The following EFNB1 variants were observed in gnomAD, a reference collection of about 807,000 sequenced individuals.
EFNB1 encodes the protein ephrin B1.
Under a neutral mutation model 18.1 loss-of-function variants are expected in EFNB1, and 1 was observed. The ratio of observed to expected loss-of-function variants is 0.06; its 90% CI spans 0.02 to 0.26. The LOEUF (loss-of-function observed/expected upper bound fraction) is 0.26, where lower values mean the gene tolerates loss of function less well. Ranked by LOEUF, EFNB1 falls within the 10% of genes least tolerant of loss-of-function variation. EFNB1 has a pLI of 1.00. For missense variants in EFNB1, 221 were observed against 301.8 expected, an observed-to-expected ratio of 0.73 and a Z score of 1.98; for synonymous variants, 131 against 127.5, an observed-to-expected ratio of 1.03 and a Z score of -0.19.
chrX:68,837,014 T>C (rs1176306706), intron 1 of EFNB1, among the ~76,000 whole-genome samples: 1 of 111,736 alleles, frequency 8.9e-6, no homozygotes, highest in Non-Finnish European at 1.9e-5. Flanking sequence ...TCATCCTGCC[T>C]TTCCTGTGGA....
At chrX:68,837,502 T>G (rs1257645238) in intron 1 of EFNB1, among the ~76,000 whole-genome samples, 1 of 112,170 alleles carries the variant, frequency 8.9e-6, no homozygotes, top group African/African-American at 3.2e-5. Context: ...GATTCTAAAG[T>G]CTGTGTTCTT....
Position 68,838,701 on chromosome X carries a change from G to T in EFNB1, c.213G>T (p.Arg71=). Residue 71 remains arginine (R), a synonymous_variant, in exon 2 of 5, where the codon CGG becomes CGT. Transcript: ENST00000204961. The part of the protein sequence containing the change: ...DIICPRAEAG[R]PYEYYKLYLV... ...TCTGCCCCCGAGCAGAAGCAGGGCG[G>T]CCCTATGAGTACTACAAGCTGTACC... is the stretch of plus-strand genomic sequence containing the variant. The T allele has an allele frequency of 8.3e-7, 1 of 1,211,381 alleles. No individual in the cohort carries two copies. Among genetic ancestry groups the T allele is most frequent in the African/African-American group, 1.7e-5 (1 of 57,866 alleles).
rs2080477708 is a variant in EFNB1, at chrX:68,841,232, G to A, written c.*578G>A. 8.5e-6 allele frequency: 1 copy of A among 118,032 alleles called. No homozygotes were observed. The highest frequency in any genetic ancestry group is 3.3e-4 in the South Asian group (1 of 3,034). 9.7% of individuals were successfully genotyped at this position (118,032 alleles called of 1,213,427 possible). On this transcript the variant is annotated 3_prime_UTR_variant, in exon 5 of 5. Transcript: ENST00000204961. ...CCTTGGTATTTCTGGTGGGGTAAGG[G>A]GCAGGCCAGGGCTGTTCACGCCCAT...
intron 1 of EFNB1, 118 bp downstream of exon 1, chrX:68,830,022 T>G (rs1203113571): frequency 1.1e-6 from 1 of 901,395 alleles, no homozygotes; most frequent in Non-Finnish European, 1.5e-6. Flanking sequence ...TCATTTTGTC[T>G]CCGGCTTTTT....
intron 1 of EFNB1, among the ~76,000 whole-genome samples, chrX:68,838,350 CA>C (rs780246244): frequency 3.3e-4 from 36 of 110,023 alleles, no homozygotes; most frequent in African/African-American, 1.1e-3. Flanking sequence ...CACATTAGGA[CA>C]AAGGGCTCCC....
At position 68,840,895 on chromosome X, in the gene EFNB1, C is replaced by T. The variant is rs777158947; in HGVS notation, c.*241C>T. The T allele has an allele frequency of 6.4e-4, 273 of 424,487 alleles. No individual in the cohort carries two copies. In the East Asian group the frequency reaches 9.1e-3, roughly 14 times the overall value. The allele number at this position is 424,487 out of a possible 1,213,427, so 35.0% of individuals were successfully genotyped here. On this transcript the variant is annotated 3_prime_UTR_variant, in exon 5 of 5. Transcript: ENST00000204961. Reference sequence around the variant, plus strand: ...GCCAGGCCTCTGGGCTCCGTGGGGGCGCCCCTTCTTGGAAGGCAGGGCTGG... The same window carrying T: ...GCCAGGCCTCTGGGCTCCGTGGGGGTGCCCCTTCTTGGAAGGCAGGGCTGG...
intron 1 of EFNB1, among the ~76,000 whole-genome samples, chrX:68,838,191 G>A (rs1295523222): frequency 9.3e-6 from 1 of 107,620 alleles, no homozygotes; most frequent in Non-Finnish European, 1.9e-5. Context: ...GCGCGCGCAC[G>A]TGTGTATGGG....
In EFNB1 at chrX:68,841,752, T is replaced by TG. The variant is rs1343117176; in HGVS notation, c.*1102dup. On this transcript the variant is annotated 3_prime_UTR_variant, in exon 5 of 5. Transcript: ENST00000204961. ...TCCTGCTGCTGTCCCAGTCTTGGGC[T>TG]GGGGCCTGGAAAGAGGAAGAGGCTG... 1 of 113,748 alleles carries TG rather than the reference T, an allele frequency of 8.8e-6. No individual in the cohort carries two copies. Among genetic ancestry groups the TG allele is most frequent in the African/African-American group, 3.2e-5 (1 of 31,243 alleles). The allele number at this position is 113,748 out of a possible 1,213,427, so 9.4% of individuals were successfully genotyped here.
At chrX:68,838,135 G>A (rs905486699) in intron 1 of EFNB1, among the ~76,000 whole-genome samples, 5 of 41,745 alleles carry the variant, frequency 1.2e-4, no homozygotes, top group East Asian at 4.8e-4. Context: ...GTGTGTATGT[G>A]TGTGTGTGTG....
intron 1 of EFNB1, among the ~76,000 whole-genome samples, chrX:68,832,537 A>T (rs2080448768): frequency 9.0e-6 from 1 of 111,594 alleles, no homozygotes; most frequent in Non-Finnish European, 1.9e-5. Flanking sequence ...AAAAAAATCA[A>T]AATAAAAGAA....
chrX:68,833,081 G>T lies in EFNB1; in HGVS notation c.128+3177G>T, dbSNP rs757319943. Among the ~76,000 whole-genome samples, 3 of 110,424 alleles carry T rather than the reference G, an allele frequency of 2.7e-5. No homozygotes were observed. The East Asian group carries it at 8.6e-4, about 32-fold the overall frequency. ...CAAACATTCCCTACAAGGGGGTGGG[G>T]GTGGGGGGGTTCAGCTTGGCATCCA... On this transcript the variant is annotated intron_variant, in intron 1 of 4. Coordinates refer to ENST00000204961, the MANE Select transcript of EFNB1 (RefSeq NM_004429.5).
rs1420701688 is a variant in EFNB1, at chrX:68,829,204, T to A, written c.-573T>A. ...CATCTCCCCGCTCTTCTAAGTACAC[T>A]GAGCAGGGCCCGCGCTGAAGTAGAA... is the stretch of plus-strand genomic sequence containing the variant. On this transcript the variant is annotated 5_prime_UTR_variant, in exon 1 of 5. Transcript: ENST00000204961. 2 of 129,613 alleles carry A rather than the reference T, an allele frequency of 1.5e-5. No individual in the cohort carries two copies. Among genetic ancestry groups the A allele is most frequent in the African/African-American group, 6.4e-5 (2 of 31,071 alleles). The allele number at this position is 129,613 out of a possible 1,213,427, so 10.7% of individuals were successfully genotyped here. A position where few individuals can be genotyped will look rare whatever the true frequency, so the allele number is the denominator to read the frequency against.
chrX:68,834,480 C>T (rs1251887720), intron 1 of EFNB1, among the ~76,000 whole-genome samples: 1 of 113,225 alleles, frequency 8.8e-6, no homozygotes, highest in African/African-American at 3.2e-5. Flanking sequence ...GCTGTGTGTG[C>T]CAGGACCCAG....
chrX:68,839,800 C>T (rs764927421), intron 3 of EFNB1, 44 bp downstream of exon 3: 6 of 1,185,732 alleles, frequency 5.1e-6, no homozygotes, highest in Non-Finnish European at 5.7e-6. Context: ...CCCTGTTTGA[C>T]CTTTGGAACA....
In EFNB1 at chrX:68,829,675, G is replaced by A; in HGVS notation, c.-102G>A. 2 of 1,139,666 alleles carry A rather than the reference G, an allele frequency of 1.8e-6. No homozygotes were observed. Among genetic ancestry groups the A allele is most frequent in the Admixed American group, 5.2e-5 (2 of 38,769 alleles). 93.9% of individuals were successfully genotyped at this position (1,139,666 alleles called of 1,213,427 possible). On this transcript the variant is annotated 5_prime_UTR_variant, in exon 1 of 5. An upstream start codon of the reference 5' UTR is lost. Transcript: ENST00000204961. ...TTCAAGGCCGGCGGCTGCGGAGGATGGGCGCCTGAGCGGCTCCGAGCGCAG... is the reference window on the plus strand; with the variant it reads ...TTCAAGGCCGGCGGCTGCGGAGGATAGGCGCCTGAGCGGCTCCGAGCGCAG...
chrX:68,829,925 G>A (rs1481985759), intron 1 of EFNB1, 21 bp downstream of exon 1: 2 of 1,167,899 alleles, frequency 1.7e-6, no homozygotes, highest in Non-Finnish European at 1.1e-6. Context: ...TATCTCCTCT[G>A]GACGCTGGGG....
intron 1 of EFNB1, among the ~76,000 whole-genome samples, chrX:68,832,746 A>G (rs1451522295): frequency 9.1e-6 from 1 of 110,019 alleles, no homozygotes; most frequent in Non-Finnish European, 1.9e-5. Context: ...GATTTGCCCC[A>G]TGAGCGCAAG....
chrX:68,836,373 C>T (rs1488166943), intron 1 of EFNB1, among the ~76,000 whole-genome samples: 1 of 112,211 alleles, frequency 8.9e-6, no homozygotes, highest in Non-Finnish European at 1.9e-5. Flanking sequence ...CATCCCATGC[C>T]TACTTCCTTT....
intron 2 of EFNB1, 79 bp downstream of exon 2, chrX:68,838,973 A>G: frequency 8.9e-7 from 1 of 1,119,338 alleles, no homozygotes; most frequent in Non-Finnish European, 1.2e-6. Context: ...GGAGCTTCTA[A>G]GTGGTGCAAT....
Sources: allele counts gnomAD v4.1 joint callset (sites outside exome capture counted in the v4.1 genomes callset), GRCh38; gene constraint gnomAD v4.1.1; transcripts MANE v1.5; gene names NCBI Gene and HGNC (gene_info 2026-07-23, HGNC 2026-07-21).